ATAD2: variants seen among roughly 807,000 people sequenced by gnomAD.
ATAD2 encodes ATPase family AAA domain containing 2.
ATAD2 carries 62 observed loss-of-function variants against 168.9 expected under a neutral mutation model. The observed-to-expected ratio is 0.37, with a 90% CI of 0.30 to 0.45. The LOEUF is 0.45. Among genes scored for constraint, ATAD2 ranks in the 20% least tolerant of loss-of-function variants. The pLI, the probability that ATAD2 is intolerant of heterozygous loss-of-function variation, is 1.00. For synonymous variants in ATAD2, 613 were observed against 571.6 expected (o/e 1.07, Z -1.03); for missense variants, 1,419 against 1,667.8 (o/e 0.85, Z 2.60).
rs374754050 is a variant in ATAD2, at chr8:123,349,341, A to G, written c.1750T>C (p.Leu584=). The change falls in exon 14 of 28, where the codon TTA becomes CTA. Residue 584 remains leucine, a synonymous_variant. Coordinates refer to ENST00000287394, the MANE Select transcript of ATAD2 (RefSeq NM_014109.4). ...CTATCAAAGCGACCAGGCCTTCGTA[A>G]AGCAGGATCTATAGAATCTAGCCTG... ...TNRLDSIDPA[L]RRPGRFDREF... 2.0e-5 allele frequency: 32 copies of G among 1,614,116 alleles called. No homozygotes were observed. The highest frequency in any genetic ancestry group is 2.6e-5 in the Non-Finnish European group (31 of 1,180,004).
chr8:123,337,613 TTAAAC>T lies in ATAD2; in HGVS notation c.3051+7_3051+11del. The T allele has an allele frequency of 6.3e-7, 1 of 1,580,654 alleles. No individual in the cohort carries two copies. Among genetic ancestry groups the T allele is most frequent in the South Asian group, 1.2e-5 (1 of 84,340 alleles). On this transcript the variant is annotated splice_region_variant and intron_variant, in intron 21 of 27. Transcript: ENST00000287394. ...GCCTAGAATACACTTGATCCAAAGA[TTAAAC>T]TAATACCTCATCAGGGTCAACAGGC...
At chr8:123,392,985 C>G (rs879518297) in intron 1 of ATAD2, among the ~76,000 whole-genome samples, 1 of 152,026 alleles carries the variant, frequency 6.6e-6, no homozygotes, top group Non-Finnish European at 1.5e-5. Flanking sequence ...GAGATCGAGA[C>G]CACCCTGGCC....
upstream of ATAD2, chr8:123,401,275 G>C: frequency 9.4e-7 from 1 of 1,058,964 alleles, no homozygotes; most frequent in East Asian, 2.4e-5. Context: ...AGACTACCCT[G>C]TGGCCTCCAA....
intron 1 of ATAD2, among the ~76,000 whole-genome samples, chr8:123,389,891 ATG>A (rs1473350371): frequency 6.8e-6 from 1 of 147,736 alleles, no homozygotes; most frequent in East Asian, 2.0e-4. Flanking sequence ...GGAGAAATAT[ATG>A]TGTCTTATCA....
chr8:123,364,502 G>A (rs1828914844), intron 8 of ATAD2, among the ~76,000 whole-genome samples: 1 of 152,032 alleles, frequency 6.6e-6, no homozygotes, highest in Admixed American at 6.6e-5. Flanking sequence ...ACATCCCTGC[G>A]AACATAGATG....
chr8:123,337,805 C>T lies in ATAD2; in HGVS notation c.2871G>A (p.Glu957=), dbSNP rs200585973. The T allele has an allele frequency of 3.1e-6, 5 of 1,598,010 alleles. No individual in the cohort carries two copies. The East Asian group carries it at 1.1e-4, about 36-fold the overall frequency. ...CAGGTGGTGGTGCTACTGGGAGTAC[C>T]TCCAAAGCCTGCAAAACTTCACATG... The part of the protein sequence containing the change: ...SKKKAVLQAL[E]VLPVAPPPEP... Residue 957 remains glutamate, a synonymous_variant, in exon 21 of 28, where the codon GAG becomes GAA. Transcript: ENST00000287394.
intron 25 of ATAD2, 122 bp from the exon 26 acceptor site, chr8:123,326,148 C>A: frequency 1.0e-6 from 1 of 1,000,946 alleles, no homozygotes; most frequent in Non-Finnish European, 1.4e-6. Context: ...GCAATTCTGG[C>A]TTATTAACTC....
In ATAD2 at chr8:123,389,490, C is replaced by T. The variant is rs556532248; in HGVS notation, c.171+6697G>A. On this transcript the variant is annotated intron_variant, in intron 1 of 27. Transcript: ENST00000287394. Reference sequence around the variant, plus strand: ...CCAGTCTCTACTAAAAATACAAAAACTTAGCCGGGCGTGGTGGCGGGCGCC... The same window carrying T: ...CCAGTCTCTACTAAAAATACAAAAATTTAGCCGGGCGTGGTGGCGGGCGCC... Among the ~76,000 whole-genome samples the T allele has an allele frequency of 8.6e-5, 13 of 150,374 alleles. No homozygotes were observed. The East Asian group carries it at 2.6e-3, about 31-fold the overall frequency.
At chr8:123,412,127 C>T (rs1417525242) in intron 1 of ATAD2, among the ~76,000 whole-genome samples, 3 of 152,180 alleles carry the variant, frequency 2.0e-5, no homozygotes, top group Admixed American at 6.6e-5. Context: ...TCTTCAGCCA[C>T]GCGAACTAGG....
chr8:123,336,334 C>A (rs1168902257), intron 22 of ATAD2, 39 bp downstream of exon 22: 2 of 1,536,306 alleles, frequency 1.3e-6, no homozygotes, highest in East Asian at 2.4e-5. Flanking sequence ...TAGCTGCCCC[C>A]CAACTCAACC....
In ATAD2 at chr8:123,372,653, T is replaced by C. The variant is rs753300595; in HGVS notation, c.354A>G (p.Lys118=). 1.3e-6 allele frequency: 2 copies of C among 1,510,388 alleles called. No individual in the cohort carries two copies. The highest frequency in any genetic ancestry group is 1.8e-6 in the Non-Finnish European group (2 of 1,114,300). The allele number at this position is 1,510,388 out of a possible 1,614,324, so 93.6% of individuals were successfully genotyped here. A position where few individuals can be genotyped will look rare whatever the true frequency, so the allele number is the denominator to read the frequency against. Residue 118 remains lysine, a synonymous_variant, in exon 3 of 28, where the codon AAA becomes AAG. Transcript: ENST00000287394. ...AGTACTTACCTTCTCTGTGCTCTTC[T>C]TTTTTTTTATCAGCCTGCTGTCTGG... ...QLARQQADKK[K]EEHREDKVIP...
chr8:123,358,207 G>A (rs1828705634), intron 11 of ATAD2, among the ~76,000 whole-genome samples: 1 of 152,040 alleles, frequency 6.6e-6, no homozygotes, highest in African/African-American at 2.4e-5. Context: ...TTTAAAGATG[G>A]GGTCTCACTG....
upstream of ATAD2, chr8:123,400,980 G>T: frequency 6.9e-7 from 1 of 1,449,552 alleles, no homozygotes; most frequent in Non-Finnish European, 9.6e-7. This position sits in a 1 kb window ranked among gnomAD's most constrained non-coding sequence, Gnocchi z 4.5. Flanking sequence ...AGGCCACGAT[G>T]CGGCATGGCT....
At chr8:123,370,688 T>C (rs1829124953) in intron 6 of ATAD2, among the ~76,000 whole-genome samples, 1 of 152,078 alleles carries the variant, frequency 6.6e-6, no homozygotes, top group African/African-American at 2.4e-5. Context: ...AGCAGACCAA[T>C]ATTATTGGCT....
At chr8:123,372,114 AAAC>A (rs1460972582) in intron 3 of ATAD2, among the ~76,000 whole-genome samples, 3 of 152,206 alleles carry the variant, frequency 2.0e-5, no homozygotes, top group Non-Finnish European at 4.4e-5. Flanking sequence ...CCCAAACCAG[AAAC>A]AACCCAAGTC....
chr8:123,378,042 C>CA (rs2129821099), intron 2 of ATAD2, among the ~76,000 whole-genome samples: 1 of 152,282 alleles, frequency 6.6e-6, no homozygotes, highest in African/African-American at 2.4e-5. Context: ...TACCTTACCT[C>CA]AGAAGAATAA....
chr8:123,371,090 C>A (rs922781124), intron 5 of ATAD2, 100 bp from the exon 6 acceptor site: 29 of 1,128,904 alleles, frequency 2.6e-5, no homozygotes, highest in Non-Finnish European at 3.2e-5. Flanking sequence ...ATATTTACAG[C>A]CATAAACTCT....
upstream of ATAD2, chr8:123,400,848 T>TCAC: frequency 7.3e-7 from 1 of 1,363,478 alleles, no homozygotes; most frequent in Admixed American, 1.7e-5. The surrounding 1 kb of genome is among the most constrained non-coding windows in gnomAD (Gnocchi z 4.5). Flanking sequence ...TTGGTTTCAT[T>TCAC]CACCACAACT....
At position 123,396,369 on chromosome 8, in the gene ATAD2, A is replaced by C; in HGVS notation, c.-12T>G. The C allele has an allele frequency of 6.4e-7, 1 of 1,562,666 alleles. No individual in the cohort carries two copies. The highest frequency in any genetic ancestry group is 8.7e-7 in the Non-Finnish European group (1 of 1,154,226). ...CGGAGAACCACCATCTTCTCTCCCT[A>C]CTGGCCTCGGCGTGCGCGACCGGAG... On this transcript the variant is annotated 5_prime_UTR_variant, in exon 1 of 28. Transcript: ENST00000287394.
Sources: allele counts gnomAD v4.1 joint callset (sites outside exome capture counted in the v4.1 genomes callset), GRCh38; gene constraint gnomAD v4.1.1; non-coding constraint Gnocchi (gnomAD v3.1); transcripts MANE v1.5; gene names NCBI Gene and HGNC (gene_info 2026-07-23, HGNC 2026-07-21).